Variants in TAF1 observed in about 807,000 individuals in gnomAD.
The protein encoded by TAF1 is TATA-box binding protein associated factor 1.
A neutral mutation model predicts 138.5 loss-of-function variants in TAF1; 2 were observed. That is an observed-to-expected ratio of 0.01 (90% CI 0.01 to 0.05). The LOEUF (loss-of-function observed/expected upper bound fraction) is 0.05. Among genes scored for constraint, TAF1 ranks in the 10% least tolerant of loss-of-function variants. TAF1 has a pLI of 1.00. For missense variants in TAF1, 709 were observed against 1,478.0 expected (o/e 0.48, Z 8.53); for synonymous variants, 437 against 503.2 (o/e 0.87, Z 1.76).
intron 13 of TAF1, among the ~76,000 whole-genome samples, chrX:71,527,257 G>A (rs1246346348): frequency 9.2e-6 from 1 of 108,495 alleles, no homozygotes; most frequent in Non-Finnish European, 1.9e-5. Flanking sequence ...GTGGTGGCAC[G>A]TGCCTGTAAT....
chrX:71,486,838 C>T (rs959377608), intron 13 of TAF1, among the ~76,000 whole-genome samples: 16 of 110,789 alleles, frequency 1.4e-4, no homozygotes, highest in Non-Finnish European at 2.5e-4. Flanking sequence ...TTTCCTCTTT[C>T]ATTTCTGATT....
intron 32 of TAF1, among the ~76,000 whole-genome samples, chrX:71,444,486 A>G (rs1057339775): frequency 7.2e-5 from 8 of 111,464 alleles, no homozygotes; most frequent in African/African-American, 2.6e-4. Flanking sequence ...TCAGAGGCCA[A>G]GGTGGGAAGA....
chrX:71,426,759 G>A (rs1237334838), intron 32 of TAF1, among the ~76,000 whole-genome samples: 1 of 110,594 alleles, frequency 9.0e-6, no homozygotes, highest in African/African-American at 3.3e-5. Flanking sequence ...TGCAGTTCAA[G>A]TGTACATACT....
intron 14 of TAF1, chrX:71,528,738 G>A (rs1268439856): frequency 3.1e-6 from 1 of 325,756 alleles, no homozygotes; most frequent in Non-Finnish European, 5.9e-6. Context: ...GAGTGTTACA[G>A]CTCTTTAAAG....
chrX:71,452,140 C>T (rs1394823835), intron 32 of TAF1, among the ~76,000 whole-genome samples: 3 of 102,484 alleles, frequency 2.9e-5, no homozygotes, highest in Non-Finnish European at 6.0e-5. Flanking sequence ...CCAGACGGGG[C>T]GGCTGGCCGG....
chrX:71,389,857 T>G (rs2034459906), intron 18 of TAF1, 192 bp downstream of exon 18: 1 of 303,691 alleles, frequency 3.3e-6, no homozygotes, highest in South Asian at 8.3e-5. Context: ...TATGGGTTTG[T>G]TTTTTTTTGT....
chrX:71,395,210 A>C (rs1037320793), intron 22 of TAF1, among the ~76,000 whole-genome samples: 1 of 111,930 alleles, frequency 8.9e-6, no homozygotes, highest in Non-Finnish European at 1.9e-5. Flanking sequence ...ACCATTGATT[A>C]AAGTAGTGAA....
At chrX:71,376,216 G>A (rs1301148528) in intron 4 of TAF1, among the ~76,000 whole-genome samples, 1 of 111,744 alleles carries the variant, frequency 8.9e-6, no homozygotes, top group Non-Finnish European at 1.9e-5. Context: ...TGTTAACTTT[G>A]TTTTATAGAT....
intron 18 of TAF1, 23 bp downstream of exon 18, chrX:71,389,688 A>G (rs2034446101): frequency 1.8e-6 from 2 of 1,103,929 alleles, no homozygotes; most frequent in Non-Finnish European, 2.5e-6. Context: ...ACTAGTTTGT[A>G]TTAGTCATTA....
At chrX:71,402,735 A>G (rs952767195) in intron 25 of TAF1, among the ~76,000 whole-genome samples, 1 of 112,153 alleles carries the variant, frequency 8.9e-6, no homozygotes, top group African/African-American at 3.2e-5. Flanking sequence ...ATTCCTCTAA[A>G]TTCACTAATT....
chrX:71,419,782 G>A (rs1218865561), intron 28 of TAF1, among the ~76,000 whole-genome samples: 56 of 111,080 alleles, frequency 5.0e-4, no homozygotes, highest in Admixed American at 4.2e-3. Flanking sequence ...CCAGGGGGGT[G>A]AAATGGGGCA....
intron 32 of TAF1, among the ~76,000 whole-genome samples, chrX:71,435,945 A>G (rs1240454853): frequency 1.8e-5 from 2 of 110,031 alleles, no homozygotes; most frequent in Non-Finnish European, 3.8e-5. Flanking sequence ...TAGAAGGTAA[A>G]TATTTAACTT....
chrX:71,479,884 T>A (rs188916877), intron 13 of TAF1, among the ~76,000 whole-genome samples: 2 of 111,254 alleles, frequency 1.8e-5, no homozygotes, highest in East Asian at 5.6e-4. Context: ...GGAAGGAGAA[T>A]GATAGTAATA....
chrX:71,410,015 C>CCCCAG (rs1248635114), intron 28 of TAF1, among the ~76,000 whole-genome samples: 1 of 109,417 alleles, frequency 9.1e-6, no homozygotes, highest in Non-Finnish European at 1.9e-5. Context: ...GCCTCAGCCT[C>CCCCAG]CCGAGTAGCT....
intron 32 of TAF1, among the ~76,000 whole-genome samples, chrX:71,424,641 A>G (rs773690499): frequency 1.2e-3 from 136 of 111,028 alleles, no homozygotes; most frequent in Non-Finnish European, 2.1e-3. Context: ...ATTTATTTTG[A>G]GATGGAGTTT....
intron 13 of TAF1, among the ~76,000 whole-genome samples, chrX:71,486,085 C>T (rs1344661786): frequency 9.1e-6 from 1 of 110,231 alleles, no homozygotes; most frequent in Non-Finnish European, 1.9e-5. Flanking sequence ...AAGCGATTCT[C>T]GTGCCTCAGC....
At chrX:71,410,363 AC>A (rs1233202774) in intron 28 of TAF1, among the ~76,000 whole-genome samples, 1 of 108,293 alleles carries the variant, frequency 9.2e-6, no homozygotes, top group Non-Finnish European at 1.9e-5. Flanking sequence ...GCACACGTTT[AC>A]CTATGTAACA....
At chrX:71,452,272 CT>C in intron 32 of TAF1, among the ~76,000 whole-genome samples, 1 of 107,664 alleles carries the variant, frequency 9.3e-6, no homozygotes, top group African/African-American at 3.4e-5. Context: ...GACGGGGCGG[CT>C]GCCGGGCGGA....
Position 71,378,945 on chromosome X carries a change from A to G in TAF1, c.1274A>G (p.Lys425Arg), listed in dbSNP as rs202196030. 122 of 1,208,255 alleles carry G rather than the reference A, an allele frequency of 1.0e-4. No homozygotes were observed. Among genetic ancestry groups the G allele is most frequent in the Non-Finnish European group, 2.0e-5 (18 of 894,953 alleles). ...TGGGATGGGGAGGATGTCAAACACA[A>G]AGGGACAAAACCTCAGCGTGCAAGC... ...IIWDGEDVKH[K>R]GTKPQRASLA... Residue 425 changes from lysine (K) to arginine (R), a missense_variant, in exon 8 of 38, where the codon AAA becomes AGA. Around this residue, in one of 14 missense-constraint regions of TAF1, gnomAD observed 201 missense variants for 421.3 expected, o/e 0.48. Transcript: ENST00000423759.
Sources: gnomAD v4.1 joint callset for allele counts (sites outside exome capture counted in the v4.1 genomes callset) on GRCh38, gnomAD v4.1.1 for gene constraint, gnomAD v4.1.1 regional missense constraint, MANE v1.5 for transcripts, NCBI Gene and HGNC (gene_info 2026-07-23, HGNC 2026-07-21) for gene names.